GLDC: variants seen among roughly 807,000 people sequenced by gnomAD.
GLDC encodes glycine dehydrogenase (decarboxylating), mitochondrial.
GLDC carries 104 observed loss-of-function variants against 121.3 expected under a neutral mutation model. That is an observed-to-expected ratio of 0.86 (90% CI 0.73 to 1.01). GLDC has a LOEUF of 1.01. Ranked by LOEUF, GLDC falls within the 50% of genes least tolerant of loss-of-function variation. GLDC has a pLI of 0.00. For missense variants in GLDC, 1,429 were observed against 1,306.6 expected (o/e 1.09, Z -1.44); for synonymous variants, 546 against 480.6 (o/e 1.14, Z -1.78).
chr9:6,639,461 C>G (rs1819581030), intron 2 of GLDC: 3 of 903,466 alleles, frequency 3.3e-6, no homozygotes, highest in Admixed American at 1.7e-5. Context: ...TCAACAAGCA[C>G]CAGATTAAAC....
intron 8 of GLDC, among the ~76,000 whole-genome samples, chr9:6,596,782 G>A (rs954528753): frequency 1.3e-5 from 2 of 152,196 alleles, no homozygotes; most frequent in African/African-American, 4.8e-5. Flanking sequence ...ATATTCATAT[G>A]CTGCTGGTAG....
At chr9:6,642,919 G>A (rs542122279) in intron 2 of GLDC, among the ~76,000 whole-genome samples, 1 of 145,786 alleles carries the variant, frequency 6.9e-6, no homozygotes, top group Non-Finnish European at 1.5e-5. Context: ...TTTTTTTTTA[G>A]ACAGGGTCTC....
chr9:6,557,072 T>C (rs1025889495), intron 17 of GLDC, among the ~76,000 whole-genome samples: 4 of 152,136 alleles, frequency 2.6e-5, no homozygotes, highest in Non-Finnish European at 5.9e-5. Flanking sequence ...TACAGCTAGA[T>C]AGGAGGAGTA....
At chr9:6,558,434 A>T in intron 17 of GLDC, 125 bp downstream of exon 17, 1 of 1,129,154 alleles carries the variant, frequency 8.9e-7, no homozygotes, top group Non-Finnish European at 1.3e-6. Flanking sequence ...ACTCTGGTCA[A>T]AGGAAGAACT....
At chr9:6,631,495 G>A (rs1362915677) in intron 2 of GLDC, among the ~76,000 whole-genome samples, 1 of 152,158 alleles carries the variant, frequency 6.6e-6, no homozygotes, top group Non-Finnish European at 1.5e-5. Flanking sequence ...CCTGTGGGAG[G>A]CCCCTTTTCA....
intron 20 of GLDC, among the ~76,000 whole-genome samples, chr9:6,552,687 T>C (rs1267166189): frequency 6.6e-6 from 1 of 152,154 alleles, no homozygotes; most frequent in East Asian, 1.9e-4. Flanking sequence ...ACTGCTCTAA[T>C]GAGCAGCCAA....
At chr9:6,538,015 T>C (rs1400445681) in intron 22 of GLDC, among the ~76,000 whole-genome samples, 1 of 152,228 alleles carries the variant, frequency 6.6e-6, no homozygotes, top group African/African-American at 2.4e-5. Flanking sequence ...CACATATTTT[T>C]GTGATAAAAC....
intron 2 of GLDC, among the ~76,000 whole-genome samples, chr9:6,630,577 G>C (rs1168043261): frequency 2.0e-5 from 3 of 152,150 alleles, no homozygotes; most frequent in African/African-American, 7.2e-5. Flanking sequence ...GTTTGAGAAA[G>C]GCCTTTCTCT....
chr9:6,622,613 C>G lies in GLDC; in HGVS notation c.335-2294G>C, dbSNP rs533018446. On this transcript the variant is annotated intron_variant, in intron 2 of 24. Transcript: ENST00000321612. ...GCTACAACCTCCACCTCCCAGCCGC[C>G]TGCCTTGGCCTCCCAAAGTGCCGAG... 2.9e-3 allele frequency among the ~76,000 whole-genome samples: 436 copies of G among 152,276 alleles called. 2 individuals carry two copies. The highest frequency in any genetic ancestry group is 0.01 in the African/African-American group (418 of 41,560).
At chr9:6,569,098 G>A (rs1817904598) in intron 15 of GLDC, 1 of 152,068 alleles carries the variant, frequency 6.6e-6, no homozygotes, top group African/African-American at 2.4e-5. Flanking sequence ...GTATTGTGAT[G>A]ACTATAACCC....
At position 6,534,773 on chromosome 9, in the gene GLDC, G is replaced by C; in HGVS notation, c.2854C>G (p.Leu952Val). 1 of 1,600,664 alleles carries C rather than the reference G, an allele frequency of 6.2e-7. No homozygotes were observed. The highest frequency in any genetic ancestry group is 8.6e-7 in the Non-Finnish European group (1 of 1,167,794). The change falls in exon 24 of 25, where the codon CTG (leucine) becomes GTG (valine). Residue 952 changes from leucine (L) to valine (V), a missense_variant. Transcript: ENST00000321612. ...CAGTGGGAAGATGTAACGCAGGTCA[G>C]GGAGTGTGGAGACATCTGAGACAGA... is the stretch of plus-strand genomic sequence containing the variant. ...VNPLKMSPHS[L>V]TCVTSSHWDR...
chr9:6,532,732 T>C lies in GLDC; in HGVS notation c.*285A>G. On this transcript the variant is annotated 3_prime_UTR_variant, in exon 25 of 25. Transcript: ENST00000321612. ...TATGACATCTGCAAACTTGCCACAT[T>C]AAAAGTTAAAGTTCCTAAAACTTTC... 2 of 416,142 alleles carry C rather than the reference T, an allele frequency of 4.8e-6. No homozygotes were observed. The highest frequency in any genetic ancestry group is 4.6e-5 in the South Asian group (2 of 43,456). The allele number at this position is 416,142 out of a possible 1,614,324, so 25.8% of individuals were successfully genotyped here. A position where few individuals can be genotyped will look rare whatever the true frequency, so the allele number is the denominator to read the frequency against.
intron 15 of GLDC, among the ~76,000 whole-genome samples, chr9:6,580,108 C>T (rs781560768): frequency 2.0e-5 from 3 of 152,204 alleles, no homozygotes; most frequent in Non-Finnish European, 2.9e-5. Flanking sequence ...GAGAGACCTT[C>T]GACCCAGGAA....
At chr9:6,589,354 C>A in intron 11 of GLDC, 62 bp from the exon 12 acceptor site, 1 of 995,406 alleles carries the variant, frequency 1.0e-6, no homozygotes, top group Non-Finnish European at 1.6e-6. Flanking sequence ...TGTGGACATC[C>A]AGGCTTCTGG....
chr9:6,601,711 A>G (rs1361794482), intron 8 of GLDC, among the ~76,000 whole-genome samples: 7 of 151,874 alleles, frequency 4.6e-5, no homozygotes, highest in South Asian at 2.1e-4. Context: ...TGCAGCCTCA[A>G]CCTCCCAGAT....
At chr9:6,558,384 C>A (rs1004776237) in intron 17 of GLDC, 175 bp downstream of exon 17, 4 of 754,636 alleles carry the variant, frequency 5.3e-6, no homozygotes, top group Non-Finnish European at 4.6e-6. Context: ...AATTAGAAAA[C>A]GGGGATTTCT....
At chr9:6,553,096 C>T (rs894928324) in intron 20 of GLDC, among the ~76,000 whole-genome samples, 10 of 152,218 alleles carry the variant, frequency 6.6e-5, no homozygotes, top group Admixed American at 5.9e-4. Context: ...TTAGCTGTGT[C>T]TGGAAAAATA....
chr9:6,644,418 T>C, intron 2 of GLDC, 196 bp downstream of exon 2: 1 of 633,854 alleles, frequency 1.6e-6, no homozygotes, highest in Non-Finnish European at 2.8e-6. Flanking sequence ...GACTCTCTCC[T>C]AACACAAAAC....
At chr9:6,607,906 C>T (rs1818768550) in intron 4 of GLDC, among the ~76,000 whole-genome samples, 1 of 150,454 alleles carries the variant, frequency 6.6e-6, no homozygotes, top group South Asian at 2.1e-4. Flanking sequence ...GTGGATTGCT[C>T]GAGCTCAGGG....
Sources: gnomAD v4.1 joint callset for allele counts (sites outside exome capture counted in the v4.1 genomes callset) on GRCh38, gnomAD v4.1.1 for gene constraint, MANE v1.5 for transcripts, NCBI Gene and HGNC (gene_info 2026-07-23, HGNC 2026-07-21) for gene names.